The following CERS6 variants were observed in gnomAD, a reference collection of about 807,000 sequenced individuals.
The protein encoded by CERS6 is ceramide synthase 6.
A neutral mutation model predicts 56.8 loss-of-function variants in CERS6; 26 were observed. That is an observed-to-expected ratio of 0.46 (90% confidence interval 0.34 to 0.63). CERS6 has a LOEUF of 0.63. Ranked by LOEUF, CERS6 falls within the 30% of genes least tolerant of loss-of-function variation. The pLI is 0.01. For synonymous variants in CERS6, 164 were observed against 173.3 expected (o/e 0.95, Z 0.42); for missense variants, 415 against 467.5 (o/e 0.89, Z 1.04).
chr2:168,731,806 C>T (rs1683542677), intron 8 of CERS6, among the ~76,000 whole-genome samples: 1 of 152,168 alleles, frequency 6.6e-6, no homozygotes, highest in South Asian at 2.1e-4. Flanking sequence ...TAACAAACTC[C>T]TTGTCTCTTC....
intron 8 of CERS6, among the ~76,000 whole-genome samples, chr2:168,737,375 A>G (rs532384350): frequency 1.2e-3 from 182 of 152,366 alleles, no homozygotes; most frequent in Non-Finnish European, 2.3e-3. Context: ...CTAATGTGTA[A>G]GGAAAAAATT....
At chr2:168,470,645 T>G (rs1693959407) in intron 1 of CERS6, among the ~76,000 whole-genome samples, 1 of 152,152 alleles carries the variant, frequency 6.6e-6, no homozygotes, top group African/African-American at 2.4e-5. Context: ...GTGTTAAGTC[T>G]TGCTTGTTAA....
chr2:168,703,059 T>TA (rs1686842832), intron 6 of CERS6, among the ~76,000 whole-genome samples: 1 of 152,236 alleles, frequency 6.6e-6, no homozygotes, highest in Non-Finnish European at 1.5e-5. Flanking sequence ...AAAAATGTAT[T>TA]AACATTTAAT....
At chr2:168,521,781 C>T (rs1694987151) in intron 1 of CERS6, among the ~76,000 whole-genome samples, 1 of 152,178 alleles carries the variant, frequency 6.6e-6, no homozygotes, top group East Asian at 1.9e-4. Flanking sequence ...CAAGAGAGAG[C>T]CTTCATTTCT....
chr2:168,662,785 G>T (rs1033424606), intron 4 of CERS6, among the ~76,000 whole-genome samples: 5 of 152,176 alleles, frequency 3.3e-5, no homozygotes, highest in Non-Finnish European at 4.4e-5. Flanking sequence ...GAGAGCTGGG[G>T]TCCAGCAGCC....
At chr2:168,709,081 A>G (rs749376660) in intron 6 of CERS6, among the ~76,000 whole-genome samples, 10 of 152,076 alleles carry the variant, frequency 6.6e-5, no homozygotes, top group Non-Finnish European at 1.2e-4. Flanking sequence ...CTGTGTCTCA[A>G]TGAGAGGTAG....
intron 5 of CERS6, among the ~76,000 whole-genome samples, chr2:168,692,239 C>G (rs2105362431): frequency 6.6e-6 from 1 of 152,272 alleles, no homozygotes; most frequent in East Asian, 1.9e-4. Context: ...AATTGTAATT[C>G]TCAGGCCCAA....
chr2:168,593,201 A>G (rs751052296), intron 3 of CERS6, among the ~76,000 whole-genome samples: 25 of 152,216 alleles, frequency 1.6e-4, no homozygotes, highest in Admixed American at 1.3e-4. Flanking sequence ...TCGGGATAAT[A>G]TCACATCTCA....
At chr2:168,613,856 G>T (rs1343325016) in intron 3 of CERS6, among the ~76,000 whole-genome samples, 2 of 152,140 alleles carry the variant, frequency 1.3e-5, no homozygotes, top group Non-Finnish European at 2.9e-5. Context: ...AGTGAAAAAA[G>T]GGCCCTTGTT....
At chr2:168,534,883 A>G (rs967180315) in intron 1 of CERS6, among the ~76,000 whole-genome samples, 1 of 152,132 alleles carries the variant, frequency 6.6e-6, no homozygotes, top group Non-Finnish European at 1.5e-5. Context: ...CCACTAGGAG[A>G]TTAGGTCCAA....
chr2:168,729,842 A>G (rs1042369279), intron 8 of CERS6, among the ~76,000 whole-genome samples: 1 of 152,234 alleles, frequency 6.6e-6, no homozygotes, highest in Non-Finnish European at 1.5e-5. Context: ...CAAATTCCTC[A>G]TAGATAAAGA....
chr2:168,752,411 C>A (rs1289781364), intron 8 of CERS6, among the ~76,000 whole-genome samples: 1 of 151,832 alleles, frequency 6.6e-6, no homozygotes. Context: ...GCCTTGCATG[C>A]AAATTGAAAA....
chr2:168,687,859 G>A (rs1686394628), intron 4 of CERS6, among the ~76,000 whole-genome samples: 1 of 152,026 alleles, frequency 6.6e-6, no homozygotes, highest in Admixed American at 6.6e-5. Context: ...ATATGCCACC[G>A]TGCCTAGCTA....
At chr2:168,459,739 T>C (rs2105315449) in intron 1 of CERS6, among the ~76,000 whole-genome samples, 1 of 152,350 alleles carries the variant, frequency 6.6e-6, no homozygotes, top group East Asian at 1.9e-4. Context: ...ATTAATAATA[T>C]AGCATTGTCA....
chr2:168,764,897 A>T (rs1336029812), intron 8 of CERS6, among the ~76,000 whole-genome samples: 7 of 152,194 alleles, frequency 4.6e-5, no homozygotes, highest in Non-Finnish European at 2.9e-5. Context: ...AAAGATACAT[A>T]CTCAGAGCGA....
chr2:168,704,358 A>C (rs1452741745), intron 6 of CERS6, among the ~76,000 whole-genome samples: 1 of 151,904 alleles, frequency 6.6e-6, no homozygotes, highest in Non-Finnish European at 1.5e-5. Flanking sequence ...CTCTCTCAGG[A>C]GGTCTTGGTG....
intron 2 of CERS6, among the ~76,000 whole-genome samples, chr2:168,550,501 A>C (rs1695546911): frequency 6.6e-6 from 1 of 152,088 alleles, no homozygotes; most frequent in Non-Finnish European, 1.5e-5. Context: ...TTTGTCGTGT[A>C]ATGTCATGTT....
intron 1 of CERS6, among the ~76,000 whole-genome samples, chr2:168,471,657 C>G (rs765688643): frequency 4.6e-5 from 7 of 152,194 alleles, no homozygotes; most frequent in Admixed American, 4.6e-4. Context: ...TAGCCGCTCT[C>G]TCCGTCAATC....
intron 3 of CERS6, among the ~76,000 whole-genome samples, chr2:168,614,376 G>A (rs2105276826): frequency 6.6e-6 from 1 of 152,338 alleles, no homozygotes; most frequent in East Asian, 1.9e-4. Flanking sequence ...TCCAGGAGAT[G>A]AGGCATGATT....
Sources: allele counts gnomAD v4.1 joint callset (sites outside exome capture counted in the v4.1 genomes callset), GRCh38; gene constraint gnomAD v4.1.1; transcripts MANE v1.5; gene names NCBI Gene and HGNC (gene_info 2026-07-23, HGNC 2026-07-21).